The following CYRIB variants were observed in gnomAD, a reference collection of about 807,000 sequenced individuals.
CYRIB encodes CYFIP related Rac1 interactor B, also known as CYFIP-related Rac1 interactor B.
A neutral mutation model predicts 44.2 loss-of-function variants in CYRIB; 8 were observed. That is an observed-to-expected ratio of 0.18 (90% CI 0.11 to 0.33). The LOEUF is 0.33. CYRIB is among the 10% of genes least tolerant of loss of function. The pLI, the probability that CYRIB is intolerant of heterozygous loss-of-function variation, is 1.00. For missense variants in CYRIB, 185 were observed against 382.8 expected (o/e 0.48, Z 4.31); for synonymous variants, 131 against 127.2 (o/e 1.03, Z -0.20).
At chr8:129,880,256 C>A (rs188265944) in intron 2 of CYRIB, 70 of 424,930 alleles carry the variant, frequency 1.6e-4, no homozygotes, top group Non-Finnish European at 1.0e-4. Flanking sequence ...AATCATGCAA[C>A]CTTTGTTTGA....
rs143408219 is a variant in CYRIB, at chr8:129,938,866, T to TAC, written c.-50+740_-50+741dup. ...AGAATAGCCATGAGGTTAAAACACA[T>TAC]ACACACACACACACAGCAATTGCCA... is the stretch of plus-strand genomic sequence containing the variant. On this transcript the variant is annotated intron_variant, in intron 1 of 11. Coordinates refer to ENST00000519824, the Ensembl canonical transcript of CYRIB. Among the ~76,000 whole-genome samples the TAC allele has an allele frequency of 6.4e-3, 973 of 151,358 alleles. 10 individuals are homozygous for TAC. Among genetic ancestry groups the TAC allele is most frequent in the African/African-American group, 0.02 (817 of 41,332 alleles).
At chr8:129,978,196 C>G (rs1218438051) in intron 1 of CYRIB, among the ~76,000 whole-genome samples, 1 of 152,182 alleles carries the variant, frequency 6.6e-6, no homozygotes, top group Non-Finnish European at 1.5e-5. Flanking sequence ...AGTGGGCCAC[C>G]GTGCCCAGTC....
intron 1 of CYRIB, among the ~76,000 whole-genome samples, chr8:129,977,210 T>C (rs1262598417): frequency 2.0e-5 from 3 of 152,196 alleles, no homozygotes; most frequent in Admixed American, 2.0e-4. Flanking sequence ...TCCCCAGTCA[T>C]CTTTTCTTGT....
intron 1 of CYRIB, among the ~76,000 whole-genome samples, chr8:129,930,379 A>ATATATATATT (rs971468534): frequency 7.7e-6 from 1 of 130,136 alleles, no homozygotes; most frequent in African/African-American, 2.8e-5. Context: ...ATATATATAT[A>ATATATATATT]TTTTAATTAT....
intron 1 of CYRIB, among the ~76,000 whole-genome samples, chr8:129,922,986 T>C (rs2084681346): frequency 6.6e-6 from 1 of 151,528 alleles, no homozygotes; most frequent in Non-Finnish European, 1.5e-5. Context: ...TCCCAGCACT[T>C]TGGAAGGCAG....
At position 129,872,544 on chromosome 8, in the gene CYRIB, G is replaced by A. The variant is rs1457012168; in HGVS notation, c.74-1048C>T. ...AAGGTGGACTCTAAGAGGAAATGAA[G>A]GTTTCTTTACAAATCTTTCCAACTA... On this transcript the variant is annotated intron_variant, in intron 3 of 11. Coordinates refer to ENST00000519824, the Ensembl canonical transcript of CYRIB. Among the ~76,000 whole-genome samples, 3 of 151,994 alleles carry A rather than the reference G, an allele frequency of 2.0e-5. No individual in the cohort carries two copies. In the East Asian group the frequency reaches 5.8e-4, roughly 29 times the overall value.
At chr8:129,864,759 T>C (rs1266264038) in intron 4 of CYRIB, 4 of 380,800 alleles carry the variant, frequency 1.1e-5, no homozygotes, top group Non-Finnish European at 2.0e-5. Context: ...CTTCGGTACA[T>C]TGCTAAGGAG....
At chr8:129,869,754 GCTTA>G (rs1176659392) in intron 4 of CYRIB, among the ~76,000 whole-genome samples, 1 of 152,116 alleles carries the variant, frequency 6.6e-6, no homozygotes, top group Non-Finnish European at 1.5e-5. Flanking sequence ...ACAGCTAACC[GCTTA>G]CTAAGTGCTG....
intron 2 of CYRIB, among the ~76,000 whole-genome samples, chr8:129,961,662 G>A (rs570088488): frequency 2.6e-5 from 4 of 152,320 alleles, no homozygotes; most frequent in African/African-American, 7.2e-5. Flanking sequence ...TACCCAGGTA[G>A]GCAATCAATG....
At chr8:130,001,165 G>A (rs906169739) in intron 1 of CYRIB, among the ~76,000 whole-genome samples, 14 of 152,124 alleles carry the variant, frequency 9.2e-5, no homozygotes, top group Non-Finnish European at 1.3e-4. Flanking sequence ...GGGTGCCTTC[G>A]TCTGTCTGCT....
chr8:129,938,119 C>T (rs1244262939), intron 1 of CYRIB, among the ~76,000 whole-genome samples: 1 of 150,780 alleles, frequency 6.6e-6, no homozygotes, highest in South Asian at 2.1e-4. Context: ...ATGAAAGTCA[C>T]ATGAAAAAAA....
At chr8:129,983,210 C>T (rs906743502) in intron 1 of CYRIB, among the ~76,000 whole-genome samples, 2 of 152,048 alleles carry the variant, frequency 1.3e-5, no homozygotes, top group African/African-American at 4.8e-5. Context: ...CTTTGGGAGG[C>T]CGAGGCGGGC....
intron 1 of CYRIB, among the ~76,000 whole-genome samples, chr8:129,980,571 G>A (rs1310131298): frequency 6.6e-6 from 1 of 151,248 alleles, no homozygotes; most frequent in Admixed American, 6.6e-5. Context: ...GGCTGAGGCA[G>A]GAGAATCACT....
intron 1 of CYRIB, among the ~76,000 whole-genome samples, chr8:129,934,311 C>T (rs894934165): frequency 5.3e-5 from 8 of 152,212 alleles, no homozygotes; most frequent in East Asian, 1.9e-4. Context: ...ACTAACAATG[C>T]GGTAAATCAA....
intron 1 of CYRIB, among the ~76,000 whole-genome samples, chr8:129,906,017 C>T (rs1291627223): frequency 6.6e-6 from 1 of 152,086 alleles, no homozygotes; most frequent in East Asian, 1.9e-4. Flanking sequence ...GTGAAAATGG[C>T]CATACTGCCC....
At chr8:129,911,882 C>T (rs574901982) in intron 1 of CYRIB, among the ~76,000 whole-genome samples, 125 of 152,262 alleles carry the variant, frequency 8.2e-4, no homozygotes, top group South Asian at 2.1e-3. Context: ...TCTGATACTT[C>T]AACTCAGCTA....
chr8:129,866,494 TA>T (rs541174105), intron 4 of CYRIB, among the ~76,000 whole-genome samples: 2,375 of 144,962 alleles, frequency 0.016, 69 homozygotes, highest in African/African-American at 0.056. Context: ...TCCTTTCTAC[TA>T]AAAAAAAAAA....
intron 1 of CYRIB, among the ~76,000 whole-genome samples, chr8:129,920,470 T>TTTCA (rs2082985460): frequency 6.6e-6 from 1 of 152,178 alleles, no homozygotes; most frequent in Non-Finnish European, 1.5e-5. Flanking sequence ...CATTCAGTAT[T>TTTCA]TTCAGATTTT....
At chr8:129,902,368 G>C (rs181703127) in intron 2 of CYRIB, among the ~76,000 whole-genome samples, 1 of 152,006 alleles carries the variant, frequency 6.6e-6, no homozygotes, top group Non-Finnish European at 1.5e-5. Flanking sequence ...ACAGGCACAC[G>C]CCACCACACC....
Sources: gnomAD v4.1 joint callset for allele counts (sites outside exome capture counted in the v4.1 genomes callset) on GRCh38, gnomAD v4.1.1 for gene constraint, MANE v1.5 for transcripts, NCBI Gene and HGNC (gene_info 2026-07-23, HGNC 2026-07-21) for gene names.